Variants in NRXN3 observed in about 807,000 individuals in gnomAD.
NRXN3 encodes neurexin III.
A neutral mutation model predicts 137.6 loss-of-function variants in NRXN3; 32 were observed. That is an observed-to-expected ratio of 0.23 (90% confidence interval 0.18 to 0.31). The LOEUF is 0.31. Among genes scored for constraint, NRXN3 ranks in the 10% least tolerant of loss-of-function variants. NRXN3 has a pLI of 1.00. For missense variants in NRXN3, 1,574 were observed against 2,062.5 expected, an observed-to-expected ratio of 0.76 and a Z score of 4.59; for synonymous variants, 798 against 784.5, an observed-to-expected ratio of 1.02 and a Z score of -0.29.
At chr14:78,609,476 G>A (rs1354824767) in intron 4 of NRXN3, among the ~76,000 whole-genome samples, 3 of 152,204 alleles carry the variant, frequency 2.0e-5, no homozygotes, top group African/African-American at 7.2e-5. Context: ...AGGATATCAT[G>A]AAAGTAGGCT....
At chr14:79,292,698 C>T (rs755752126) in intron 15 of NRXN3, among the ~76,000 whole-genome samples, 2 of 152,116 alleles carry the variant, frequency 1.3e-5, no homozygotes, top group African/African-American at 4.8e-5. Context: ...CTAATGAATA[C>T]GTTAAGAGGG....
At chr14:79,690,234 T>C (rs1034148692) in intron 17 of NRXN3, among the ~76,000 whole-genome samples, 3 of 152,158 alleles carry the variant, frequency 2.0e-5, no homozygotes, top group African/African-American at 7.2e-5. Flanking sequence ...GTTCTTTTTC[T>C]ATGAAAACGT....
chr14:78,803,596 A>G, intron 8 of NRXN3, 24 bp from the exon 9 acceptor site: 1 of 1,610,856 alleles, frequency 6.2e-7, no homozygotes, highest in Non-Finnish European at 8.5e-7. Context: ...CATCCTAACG[A>G]TCTTCTCCAT....
intron 15 of NRXN3, among the ~76,000 whole-genome samples, chr14:79,343,535 A>AT (rs896386482): frequency 3.9e-5 from 6 of 152,020 alleles, no homozygotes; most frequent in Admixed American, 2.0e-4. Context: ...CACCTAGAGC[A>AT]TTTTTTTCTT....
intron 4 of NRXN3, among the ~76,000 whole-genome samples, chr14:78,441,349 C>A (rs1297073814): frequency 6.6e-6 from 1 of 152,120 alleles, no homozygotes; most frequent in African/African-American, 2.4e-5. Context: ...CAATTTCCTT[C>A]ATCAGAATTT....
At chr14:79,078,678 G>A (rs2046379219) in intron 15 of NRXN3, among the ~76,000 whole-genome samples, 1 of 152,154 alleles carries the variant, frequency 6.6e-6, no homozygotes, top group Admixed American at 6.6e-5. Flanking sequence ...ATAGTTGTGT[G>A]AGATTAAAAA....
rs2099416870 is a variant in NRXN3 at position 79,864,239 on chromosome 14, T to C, written c.*2275T>C. The C allele has an allele frequency of 6.6e-6, 1 of 152,646 alleles. No individual in the cohort carries two copies. The highest frequency in any genetic ancestry group is 1.5e-5 in the Non-Finnish European group (1 of 68,036). 9.5% of individuals were successfully genotyped at this position (152,646 alleles called of 1,614,324 possible). On this transcript the variant is annotated 3_prime_UTR_variant, in exon 21 of 21. Transcript: ENST00000335750. ...TCAGTGTAAGTTTCTATTTGGACAATTTTATGGGAACATGTGCATTCTCTA... is the reference window on the plus strand; with the variant it reads ...TCAGTGTAAGTTTCTATTTGGACAACTTTATGGGAACATGTGCATTCTCTA...
intron 19 of NRXN3, among the ~76,000 whole-genome samples, chr14:79,770,600 G>A (rs1459410121): frequency 6.7e-6 from 1 of 150,364 alleles, no homozygotes; most frequent in Non-Finnish European, 1.5e-5. Context: ...CAACATACTA[G>A]AATCTCTGGG....
At chr14:78,286,206 C>A (rs929542892) in intron 3 of NRXN3, among the ~76,000 whole-genome samples, 2 of 152,146 alleles carry the variant, frequency 1.3e-5, no homozygotes, top group East Asian at 1.9e-4. Flanking sequence ...GCCAAATGGG[C>A]GGAGGTGTTT....
intron 4 of NRXN3, among the ~76,000 whole-genome samples, chr14:78,637,754 G>A (rs74754161): frequency 0.011 from 1,606 of 152,272 alleles, 33 homozygotes; most frequent in African/African-American, 0.037. Flanking sequence ...ACATGAATCC[G>A]TTGTCAGGGC....
intron 4 of NRXN3, among the ~76,000 whole-genome samples, chr14:78,371,850 T>G (rs1257552826): frequency 2.0e-5 from 3 of 152,238 alleles, no homozygotes; most frequent in African/African-American, 7.2e-5. Context: ...CAGTAGGTAT[T>G]GTTCTAAGCC....
intron 19 of NRXN3, among the ~76,000 whole-genome samples, chr14:79,705,310 A>G (rs568305471): frequency 1.1e-4 from 17 of 152,222 alleles, no homozygotes; most frequent in African/African-American, 3.6e-4. Flanking sequence ...TGCGTGGCAT[A>G]TGGTTCTCCT....
chr14:79,449,816 C>T (rs2153583631), intron 15 of NRXN3, among the ~76,000 whole-genome samples: 1 of 151,844 alleles, frequency 6.6e-6, no homozygotes, highest in Admixed American at 6.6e-5. Context: ...ATGGTGAAAC[C>T]CCGTCTCTAC....
intron 4 of NRXN3, among the ~76,000 whole-genome samples, chr14:78,589,976 AC>A (rs1314093610): frequency 1.1e-4 from 17 of 152,034 alleles, no homozygotes; most frequent in African/African-American, 3.1e-4. Context: ...AAACAAAAAA[AC>A]AAACAAACAA....
At chr14:79,154,894 T>C (rs1279900080) in intron 15 of NRXN3, among the ~76,000 whole-genome samples, 1 of 151,964 alleles carries the variant, frequency 6.6e-6, no homozygotes, top group Non-Finnish European at 1.5e-5. Context: ...TCTTCATCCT[T>C]TGACTGATCA....
intron 15 of NRXN3, among the ~76,000 whole-genome samples, chr14:79,204,264 C>T (rs1419320596): frequency 6.6e-6 from 1 of 151,702 alleles, no homozygotes; most frequent in Admixed American, 6.6e-5. Context: ...TCTGCTTGCT[C>T]TGGTATATGG....
intron 19 of NRXN3, among the ~76,000 whole-genome samples, chr14:79,753,127 G>C (rs938264056): frequency 2.6e-5 from 4 of 151,954 alleles, no homozygotes; most frequent in Non-Finnish European, 4.4e-5. Context: ...TGGTGGGACT[G>C]TAAACTAGTT....
At chr14:79,038,090 A>G (rs2099619114) in intron 15 of NRXN3, among the ~76,000 whole-genome samples, 1 of 152,140 alleles carries the variant, frequency 6.6e-6, no homozygotes, top group Non-Finnish European at 1.5e-5. Context: ...GTAATTATTA[A>G]TGTCAATAAA....
In NRXN3 at chr14:78,966,331, C is replaced by T; in HGVS notation, c.2702C>T (p.Thr901Ile). ...ATGCACCTCTTCTTCCAGTTCAAGA[C>T]CACCTCACCAGATGGCTTCATTCTC... is the stretch of plus-strand genomic sequence containing the variant. ...TSMHLFFQFK[T>I]TSPDGFILFN... The change falls in exon 12 of 21, where the codon ACC (threonine) becomes ATC (isoleucine). Residue 901 changes from threonine to isoleucine, a missense_variant. By Grantham distance (89) the Thr-to-Ile change is moderately conservative (BLOSUM62 -1). This residue lies in a region of NRXN3 where 718 missense variants were observed against 887.6 expected (regional missense o/e 0.81). Transcript: ENST00000335750. 6.2e-7 allele frequency: 1 copy of T among 1,614,190 alleles called. No homozygotes were observed. Among genetic ancestry groups the T allele is most frequent in the Non-Finnish European group, 8.5e-7 (1 of 1,180,032 alleles).
Sources: allele counts gnomAD v4.1 joint callset (sites outside exome capture counted in the v4.1 genomes callset), GRCh38; gene constraint gnomAD v4.1.1; regional missense constraint gnomAD v4.1.1; transcripts MANE v1.5; gene names NCBI Gene and HGNC (gene_info 2026-07-23, HGNC 2026-07-21).